PARL: variants seen among roughly 807,000 people sequenced by gnomAD.
PARL encodes presenilin associated rhomboid like, also known as presenilin-associated rhomboid-like protein, mitochondrial.
In PARL, 44 loss-of-function variants were observed where a neutral mutation model predicts 51.6. That is an observed-to-expected ratio of 0.85 (90% CI 0.67 to 1.10). The LOEUF is 1.10. Among genes scored for constraint, PARL ranks in the 50% least tolerant of loss-of-function variants. The pLI, the probability that PARL is intolerant of heterozygous loss-of-function variation, is 0.00. For synonymous variants in PARL, 172 were observed against 164.0 expected, an observed-to-expected ratio of 1.05 and a Z score of -0.37; for missense variants, 441 against 469.5, an observed-to-expected ratio of 0.94 and a Z score of 0.56.
At chr3:183,877,065 T>A (rs1733937069) in intron 1 of PARL, among the ~76,000 whole-genome samples, 1 of 152,014 alleles carries the variant, frequency 6.6e-6, no homozygotes, top group Admixed American at 6.6e-5. Flanking sequence ...TTCAAAAAAA[T>A]TAACTGGGCA....
chr3:183,857,931 T>C (rs1731354969), intron 4 of PARL, among the ~76,000 whole-genome samples: 1 of 152,188 alleles, frequency 6.6e-6, no homozygotes, highest in African/African-American at 2.4e-5. Context: ...ACCCTATTCT[T>C]TGATACATGA....
intron 1 of PARL, among the ~76,000 whole-genome samples, chr3:183,877,470 T>C (rs1375636159): frequency 6.6e-6 from 1 of 152,234 alleles, no homozygotes; most frequent in Non-Finnish European, 1.5e-5. Flanking sequence ...TTACTCCTAC[T>C]CTGAAAGAAG....
intron 4 of PARL, among the ~76,000 whole-genome samples, chr3:183,854,668 T>C (rs1156587236): frequency 1.7e-4 from 26 of 150,748 alleles, no homozygotes; most frequent in Non-Finnish European, 3.7e-4. Context: ...TTTACAAAAA[T>C]GTGAATATAC....
chr3:183,843,706 C>T, intron 5 of PARL, among the ~76,000 whole-genome samples: 1 of 152,076 alleles, frequency 6.6e-6, no homozygotes, highest in Admixed American at 6.6e-5. Context: ...TGGCGGGCAC[C>T]TGTAGTCCCA....
intron 4 of PARL, among the ~76,000 whole-genome samples, chr3:183,851,515 A>G (rs899644575): frequency 1.3e-5 from 2 of 152,180 alleles, no homozygotes; most frequent in African/African-American, 4.8e-5. Context: ...CATTTCTCCG[A>G]AGAAGAATAA....
chr3:183,837,418 T>C (rs1320401869), intron 7 of PARL, among the ~76,000 whole-genome samples: 1 of 152,192 alleles, frequency 6.6e-6, no homozygotes, highest in Admixed American at 6.5e-5. Context: ...GAGCAGAGCC[T>C]AGACTCCCAC....
chr3:183,865,845 G>A (rs935842839), intron 3 of PARL, among the ~76,000 whole-genome samples: 4 of 151,624 alleles, frequency 2.6e-5, no homozygotes, highest in Admixed American at 1.3e-4. Context: ...CATCCTCCAC[G>A]CAGAAACATT....
chr3:183,829,385 T>A lies in PARL; in HGVS notation c.*213A>T. 6.8e-7 allele frequency: 1 copy of A among 1,464,758 alleles called. No homozygotes were observed. The highest frequency in any genetic ancestry group is 9.0e-7 in the Non-Finnish European group (1 of 1,111,776). The allele number at this position is 1,464,758 out of a possible 1,614,324, so 90.7% of individuals were successfully genotyped here. Reference sequence around the variant, plus strand: ...GCCCCTTAAAGAGAGAACACACACATCTGCTTACAAACTAGATAGAAACCT... The same window carrying A: ...GCCCCTTAAAGAGAGAACACACACAACTGCTTACAAACTAGATAGAAACCT... On this transcript the variant is annotated 3_prime_UTR_variant, in exon 10 of 10. Transcript: ENST00000317096.
chr3:183,882,222 A>ATATATATAT lies in PARL; in HGVS notation c.125+2499_125+2500insATATATATA, dbSNP rs1553906018. On this transcript the variant is annotated intron_variant, in intron 1 of 9. Transcript: ENST00000317096. Reference sequence around the variant, plus strand: ...ATGTCTCTAAAAAAAAAAAAAAAAAAATATATATATATATATATATATTTA... The same window carrying ATATATATAT: ...ATGTCTCTAAAAAAAAAAAAAAAAAATATATATATATATATATATATATATATATATTTA... 8.7e-5 allele frequency among the ~76,000 whole-genome samples: 4 copies of ATATATATAT among 46,108 alleles called. No individual in the cohort carries two copies. In the East Asian group the frequency reaches 4.1e-3, roughly 47 times the overall value. The allele number at this position is 46,108 out of a possible 152,430, so 30.2% of individuals were successfully genotyped here.
intron 3 of PARL, among the ~76,000 whole-genome samples, 157 bp downstream of exon 3, chr3:183,866,468 A>C (rs1443697449): frequency 6.6e-6 from 1 of 152,238 alleles, no homozygotes; most frequent in Non-Finnish European, 1.5e-5. Context: ...CCTAGCATAA[A>C]GATAAATGTT....
intron 7 of PARL, among the ~76,000 whole-genome samples, chr3:183,840,052 C>T (rs1729106744): frequency 6.6e-6 from 1 of 152,080 alleles, no homozygotes. Context: ...TTTTAAGCAT[C>T]CAGAATATAA....
At chr3:183,848,303 G>A (rs1389975405) in intron 4 of PARL, among the ~76,000 whole-genome samples, 2 of 152,088 alleles carry the variant, frequency 1.3e-5, no homozygotes, top group African/African-American at 4.8e-5. Flanking sequence ...GTGCAGTGGC[G>A]CAATCTCCGC....
At chr3:183,872,693 A>G (rs1733350744) in intron 1 of PARL, among the ~76,000 whole-genome samples, 1 of 152,222 alleles carries the variant, frequency 6.6e-6, no homozygotes, top group Non-Finnish European at 1.5e-5. Context: ...CCCTAGAGCT[A>G]GTGGTAACCA....
At chr3:183,871,537 T>TG (rs1204994986) in intron 1 of PARL, among the ~76,000 whole-genome samples, 348 of 35,758 alleles carry the variant, frequency 9.7e-3, no homozygotes, top group African/African-American at 0.036. Context: ...AAAAAAGGCT[T>TG]GGGGGGGAGG....
At chr3:183,864,924 G>A (rs1328342875) in intron 3 of PARL, among the ~76,000 whole-genome samples, 4 of 79,542 alleles carry the variant, frequency 5.0e-5, no homozygotes, top group South Asian at 3.5e-4. Flanking sequence ...TTTTTTTTCC[G>A]TATTTCATCT....
intron 4 of PARL, among the ~76,000 whole-genome samples, chr3:183,847,187 C>CTT: frequency 6.6e-6 from 1 of 152,342 alleles, no homozygotes; most frequent in African/African-American, 2.4e-5. Flanking sequence ...GTCCTACTTA[C>CTT]ATTATAACCT....
rs570679934 is a variant in PARL at position 183,873,778 on chromosome 3, A to G, written c.126-5718T>C. Among the ~76,000 whole-genome samples, 3 of 152,212 alleles carry G rather than the reference A, an allele frequency of 2.0e-5. No individual in the cohort carries two copies. The South Asian group carries it at 6.2e-4, about 32-fold the overall frequency. On this transcript the variant is annotated intron_variant, in intron 1 of 9. Coordinates refer to ENST00000317096, the MANE Select transcript of PARL (RefSeq NM_018622.7). ...CACAAGTTTTAAAAGGAACATAAAC[A>G]CGCTAGGTTGGGAATCTGGACTTGA...
chr3:183,861,786 T>A (rs1464246193), intron 4 of PARL, among the ~76,000 whole-genome samples: 3 of 152,132 alleles, frequency 2.0e-5, no homozygotes, highest in Admixed American at 6.6e-5. Flanking sequence ...TTAAAAAAAA[T>A]TTTTTTGTTT....
At chr3:183,849,286 CA>C (rs1730296805) in intron 4 of PARL, among the ~76,000 whole-genome samples, 1 of 152,112 alleles carries the variant, frequency 6.6e-6, no homozygotes, top group African/African-American at 2.4e-5. Context: ...AGTCACAAAA[CA>C]ACTCTCAATA....
Sources: gnomAD v4.1 joint callset for allele counts (sites outside exome capture counted in the v4.1 genomes callset) on GRCh38, gnomAD v4.1.1 for gene constraint, MANE v1.5 for transcripts, NCBI Gene and HGNC (gene_info 2026-07-23, HGNC 2026-07-21) for gene names.